The following TMOD1 variants were observed in gnomAD, a reference collection of about 807,000 sequenced individuals.
TMOD1 encodes tropomodulin 1.
TMOD1 carries 17 observed loss-of-function variants against 40.6 expected under a neutral mutation model. The observed-to-expected ratio is 0.42, with a 90% CI of 0.29 to 0.63. The LOEUF is 0.63. TMOD1 is among the 20% of genes least tolerant of loss of function. The pLI is 0.22. For missense variants in TMOD1, 391 were observed against 447.6 expected (o/e 0.87, Z 1.14); for synonymous variants, 181 against 175.0 (o/e 1.03, Z -0.27).
intron 8 of TMOD1, among the ~76,000 whole-genome samples, chr9:97,575,021 GGCTGCCGGATAACGCAGTGGCAACCC>G (rs1281617363): frequency 6.6e-6 from 1 of 152,188 alleles, no homozygotes; most frequent in African/African-American, 2.4e-5. Context: ...AATAAAAGCA[GGCTGCCGGATAACGCAGTGGCAACCC>G]GCTCGGGTCC....
At chr9:97,563,714 A>C (rs939537501) in intron 5 of TMOD1, among the ~76,000 whole-genome samples, 1 of 152,198 alleles carries the variant, frequency 6.6e-6, no homozygotes. Context: ...GCTTCATCTT[A>C]GCCTCCCAAG....
chr9:97,537,132 C>T (rs553668414), intron 2 of TMOD1, among the ~76,000 whole-genome samples: 2 of 152,288 alleles, frequency 1.3e-5, no homozygotes, highest in African/African-American at 4.8e-5. Context: ...GTTTTCTATG[C>T]CTCAGTTTCC....
chr9:97,508,724 T>C (rs1446638202), intron 1 of TMOD1, among the ~76,000 whole-genome samples: 1 of 152,174 alleles, frequency 6.6e-6, no homozygotes, highest in Non-Finnish European at 1.5e-5. Context: ...GTCAGTGTAC[T>C]TACTGGGTTA....
At chr9:97,570,901 C>T (rs1459212014) in intron 8 of TMOD1, among the ~76,000 whole-genome samples, 1 of 152,284 alleles carries the variant, frequency 6.6e-6, no homozygotes, top group Non-Finnish European at 1.5e-5. Flanking sequence ...AAAGCAGTCA[C>T]ATGAGCTGGC....
chr9:97,592,528 C>A (rs1307004729), intron 9 of TMOD1, among the ~76,000 whole-genome samples: 2 of 152,116 alleles, frequency 1.3e-5, no homozygotes, highest in Non-Finnish European at 1.5e-5. Context: ...CAGATTCAAA[C>A]CTGCTCTACA....
At chr9:97,594,875 A>C (rs1325309844) in intron 9 of TMOD1, among the ~76,000 whole-genome samples, 2 of 152,058 alleles carry the variant, frequency 1.3e-5, no homozygotes, top group African/African-American at 4.8e-5. Context: ...GGTCCTCTAA[A>C]TCTGCCACTG....
At chr9:97,510,985 C>T (rs1017846186) in intron 1 of TMOD1, among the ~76,000 whole-genome samples, 2 of 151,976 alleles carry the variant, frequency 1.3e-5, no homozygotes, top group Non-Finnish European at 2.9e-5. Context: ...TTCCTGGAAC[C>T]CTGTTGCTTA....
Position 97,601,613 on chromosome 9 carries a change from A to G in TMOD1, c.*1915A>G. The G allele has an allele frequency of 1.0e-6, 1 of 987,738 alleles. No individual in the cohort carries two copies. The highest frequency in any genetic ancestry group is 1.1e-4 in the East Asian group (1 of 8,858). The allele number at this position is 987,738 out of a possible 1,614,324, so 61.2% of individuals were successfully genotyped here. A position where few individuals can be genotyped will look rare whatever the true frequency, so the allele number is the denominator to read the frequency against. On this transcript the variant is annotated 3_prime_UTR_variant, in exon 10 of 10. Coordinates refer to ENST00000259365, the MANE Select transcript of TMOD1 (RefSeq NM_003275.4). ...TCAGGGGCTGGCAAACTTTTCTGTA[A>G]AAGGCCAGACAGTAAAAATTTCCGA...
chr9:97,589,362 C>G (rs1268112133), intron 8 of TMOD1, among the ~76,000 whole-genome samples: 3 of 148,174 alleles, frequency 2.0e-5, no homozygotes, highest in Non-Finnish European at 4.5e-5. Context: ...CTCACTGCAA[C>G]CTCTGCCTCC....
intron 1 of TMOD1, among the ~76,000 whole-genome samples, chr9:97,503,270 G>A (rs369157229): frequency 6.6e-6 from 1 of 152,138 alleles, no homozygotes; most frequent in African/African-American, 2.4e-5. Context: ...GGCAGGTCCG[G>A]GAGCTCTGGG....
chr9:97,524,413 A>T, intron 2 of TMOD1, 105 bp downstream of exon 2: 1 of 1,389,510 alleles, frequency 7.2e-7, no homozygotes, highest in Non-Finnish European at 9.8e-7. Flanking sequence ...TTCCATGGCA[A>T]TGACATTGGT....
chr9:97,538,928 CT>C (rs1286804819), intron 2 of TMOD1, among the ~76,000 whole-genome samples: 1 of 152,082 alleles, frequency 6.6e-6, no homozygotes, highest in Non-Finnish European at 1.5e-5. Flanking sequence ...TCACTTGAAC[CT>C]GGGAGGTGGA....
intron 8 of TMOD1, among the ~76,000 whole-genome samples, chr9:97,571,756 G>C (rs1020741772): frequency 5.3e-5 from 8 of 152,248 alleles, no homozygotes; most frequent in African/African-American, 1.4e-4. Context: ...ATAATGCTAT[G>C]CCTGTCTGGG....
intron 4 of TMOD1, among the ~76,000 whole-genome samples, chr9:97,559,293 G>A (rs1375404282): frequency 6.6e-6 from 1 of 151,932 alleles, no homozygotes; most frequent in East Asian, 1.9e-4. Flanking sequence ...TAAAACCCAC[G>A]AGAGCTTGAA....
chr9:97,578,647 C>A (rs999539846), intron 8 of TMOD1, among the ~76,000 whole-genome samples: 1 of 150,224 alleles, frequency 6.7e-6, no homozygotes, highest in Non-Finnish European at 1.5e-5. Flanking sequence ...GTCCAACTTC[C>A]ATCTACACAT....
chr9:97,591,350 A>G lies in TMOD1; in HGVS notation c.930A>G (p.Ala310=). 6.2e-7 allele frequency: 1 copy of G among 1,614,190 alleles called. No individual in the cohort carries two copies. Among genetic ancestry groups the G allele is most frequent in the South Asian group, 1.1e-5 (1 of 91,080 alleles). The change falls in exon 9 of 10, where the codon GCA becomes GCG. Residue 310 remains alanine, a synonymous_variant. Coordinates refer to ENST00000259365, the MANE Select transcript of TMOD1 (RefSeq NM_003275.4). The stretch of plus-strand genomic sequence containing the variant: ...TTGTGAGCATGTTGGAAAAAAACGC[A>G]ACACTTCTCAAATTCGGCTACCACT... ...MEIVSMLEKN[A]TLLKFGYHFT...
chr9:97,547,062 T>A (rs1830374157), intron 3 of TMOD1, among the ~76,000 whole-genome samples: 1 of 151,634 alleles, frequency 6.6e-6, no homozygotes, highest in Non-Finnish European at 1.5e-5. Flanking sequence ...AAAGTTCCTC[T>A]CTCTGGCAGC....
At chr9:97,539,738 G>A (rs866793759) in intron 2 of TMOD1, among the ~76,000 whole-genome samples, 1 of 152,106 alleles carries the variant, frequency 6.6e-6, no homozygotes, top group Non-Finnish European at 1.5e-5. Context: ...AGGCCGAGGC[G>A]GGCGGATCAC....
In TMOD1 at chr9:97,599,625, C is replaced by T. The variant is rs759694019; in HGVS notation, c.1016-9C>T. ...AAGTGCCTTATATCTTATCTCCATT[C>T]CTTTCCAGTGAGGAAGAGGAGGCTT... On this transcript the variant is annotated splice_polypyrimidine_tract_variant and intron_variant, in intron 9 of 9. Coordinates refer to ENST00000259365, the MANE Select transcript of TMOD1 (RefSeq NM_003275.4). 1 of 1,614,168 alleles carries T rather than the reference C, an allele frequency of 6.2e-7. No individual in the cohort carries two copies. Among genetic ancestry groups the T allele is most frequent in the South Asian group, 1.1e-5 (1 of 91,084 alleles).
Sources: gnomAD v4.1 joint callset for allele counts (sites outside exome capture counted in the v4.1 genomes callset) on GRCh38, gnomAD v4.1.1 for gene constraint, MANE v1.5 for transcripts, NCBI Gene and HGNC (gene_info 2026-07-23, HGNC 2026-07-21) for gene names.